The following AP4S1 variants were observed in gnomAD, a reference collection of about 807,000 sequenced individuals.
AP4S1 encodes the protein adaptor related protein complex 4 subunit sigma 1, also known as AP-4 complex subunit sigma-1.
A neutral mutation model predicts 19.8 loss-of-function variants in AP4S1; 23 were observed. The ratio of observed to expected loss-of-function variants is 1.16; its 90% CI spans 0.84 to 1.65. AP4S1 has a LOEUF of 1.65. AP4S1 is among the 40% of genes most tolerant of loss of function. The pLI is 0.00. For missense variants in AP4S1, 166 were observed against 172.8 expected (o/e 0.96, Z 0.22); for synonymous variants, 46 against 54.1 (o/e 0.85, Z 0.66).
intron 1 of AP4S1, among the ~76,000 whole-genome samples, chr14:31,048,304 G>C (rs974071204): frequency 1.3e-5 from 2 of 151,762 alleles, no homozygotes; most frequent in African/African-American, 4.8e-5. Flanking sequence ...GTCCCACCCT[G>C]TTGGCCAGGC....
At chr14:31,049,428 A>AAAATATATATATATATAT (rs1384450221) in intron 1 of AP4S1, among the ~76,000 whole-genome samples, 1 of 57,766 alleles carries the variant, frequency 1.7e-5, no homozygotes, top group African/African-American at 7.9e-5. Flanking sequence ...AAAAAAAAAA[A>AAAATATATATATATATAT]ATATATATAT....
rs1401445337 is a variant in AP4S1, at chr14:31,071,609, C to G, written c.226-1296C>G. On this transcript the variant is annotated intron_variant, in intron 3 of 5. Transcript: ENST00000542754. ...CTAATTTTTGTATTCTTAGTAGAGACAGGGTTTCACCTTTTGGCCAGGATG... is the reference window on the plus strand; with the variant it reads ...CTAATTTTTGTATTCTTAGTAGAGAGAGGGTTTCACCTTTTGGCCAGGATG... 2.6e-5 allele frequency among the ~76,000 whole-genome samples: 4 copies of G among 152,184 alleles called. No homozygotes were observed. In the East Asian group the frequency reaches 7.8e-4, roughly 29 times the overall value.
At chr14:31,039,795 T>C (rs1304024519) in intron 1 of AP4S1, among the ~76,000 whole-genome samples, 1 of 151,400 alleles carries the variant, frequency 6.6e-6, no homozygotes, top group Non-Finnish European at 1.5e-5. Context: ...TTCACCGTGT[T>C]AGCCAGGATG....
intron 4 of AP4S1, chr14:31,073,330 A>T: frequency 4.8e-6 from 1 of 206,636 alleles, no homozygotes; most frequent in Non-Finnish European, 9.9e-6. Context: ...CTCTACTAAA[A>T]ATACAAAAAA....
chr14:31,088,466 C>T (rs1225722859), intron 5 of AP4S1, among the ~76,000 whole-genome samples: 1 of 152,072 alleles, frequency 6.6e-6, no homozygotes, highest in African/African-American at 2.4e-5. Flanking sequence ...AGCTGGGTAT[C>T]CTGTTGTTCT....
intron 1 of AP4S1, among the ~76,000 whole-genome samples, chr14:31,027,759 C>T (rs1594615033): frequency 6.6e-6 from 1 of 152,036 alleles, no homozygotes; most frequent in Non-Finnish European, 1.5e-5. Flanking sequence ...TGCTTAGTTT[C>T]CTAGAAAATA....
intron 4 of AP4S1, among the ~76,000 whole-genome samples, chr14:31,073,507 T>C (rs1237995433): frequency 1.3e-5 from 2 of 150,642 alleles, no homozygotes; most frequent in Non-Finnish European, 3.0e-5. Context: ...AAAAAAACCC[T>C]CTTATTTGTT....
intron 1 of AP4S1, 179 bp downstream of exon 1, chr14:31,025,966 G>A: frequency 6.3e-7 from 1 of 1,586,944 alleles, no homozygotes; most frequent in East Asian, 2.3e-5. Flanking sequence ...GCCCACTCGT[G>A]CTGGATGTAG....
chr14:31,070,027 G>T lies in AP4S1; in HGVS notation c.225+98G>T, dbSNP rs927013223. On this transcript the variant is annotated intron_variant, in intron 3 of 5. Transcript: ENST00000542754. Reference sequence around the variant, plus strand: ...CTTGATTTTTTTTAGACAGAATTTTGCCCTGTCACCAGTCTGGAGTGCCGT... The same window carrying T: ...CTTGATTTTTTTTAGACAGAATTTTTCCCTGTCACCAGTCTGGAGTGCCGT... The T allele has an allele frequency of 4.7e-6, 5 of 1,062,804 alleles. No individual in the cohort carries two copies. The Admixed American group carries it at 5.1e-5, about 11-fold the overall frequency. The allele number at this position is 1,062,804 out of a possible 1,614,324, so 65.8% of individuals were successfully genotyped here. A position where few individuals can be genotyped will look rare whatever the true frequency, so the allele number is the denominator to read the frequency against.
At chr14:31,061,135 C>T (rs1027744120) in intron 1 of AP4S1, among the ~76,000 whole-genome samples, 6 of 152,148 alleles carry the variant, frequency 3.9e-5, no homozygotes, top group Non-Finnish European at 7.3e-5. Context: ...CTTGCCTCAG[C>T]CTCCCAAAGT....
intron 4 of AP4S1, among the ~76,000 whole-genome samples, chr14:31,076,659 C>T (rs1338907372): frequency 6.6e-6 from 1 of 152,148 alleles, no homozygotes; most frequent in African/African-American, 2.4e-5. Context: ...CTGTTCTTTT[C>T]CCCCAATGAA....
intron 4 of AP4S1, among the ~76,000 whole-genome samples, chr14:31,076,054 T>A (rs1887343466): frequency 6.6e-6 from 1 of 152,222 alleles, no homozygotes; most frequent in Non-Finnish European, 1.5e-5. Flanking sequence ...CAAATTTTTT[T>A]ATCCATTCAT....
chr14:31,049,459 A>ATATATATATATATATG (rs1487074529), intron 1 of AP4S1, among the ~76,000 whole-genome samples: 3 of 74,424 alleles, frequency 4.0e-5, no homozygotes, highest in African/African-American at 1.7e-4. Flanking sequence ...ATATATATAT[A>ATATATATATATATATG]TATGTATATA....
intron 1 of AP4S1, among the ~76,000 whole-genome samples, chr14:31,029,306 A>G (rs1884243652): frequency 6.6e-6 from 1 of 152,192 alleles, no homozygotes; most frequent in African/African-American, 2.4e-5. Flanking sequence ...TCTGTTTAAC[A>G]TAGTTTAGTG....
chr14:31,085,219 C>A (rs978407514), intron 5 of AP4S1: 3 of 1,072,144 alleles, frequency 2.8e-6, no homozygotes, highest in Non-Finnish European at 2.3e-6. Context: ...ACTTCCTGGG[C>A]CCCTAGAATT....
At position 31,084,774 on chromosome 14, in the gene AP4S1, A is replaced by G. The variant is rs374600997; in HGVS notation, c.306+4190A>G. 3.7e-6 allele frequency: 6 copies of G among 1,614,054 alleles called. No individual in the cohort carries two copies. The African/African-American group carries it at 8.0e-5, about 22-fold the overall frequency. On this transcript the variant is annotated intron_variant, in intron 5 of 5. Transcript: ENST00000542754. ...AATTAAGGTGTTTTTTTTAGGAACCAATTGATGAACTTCCCAAAATATGCT... is the reference window on the plus strand; with the variant it reads ...AATTAAGGTGTTTTTTTTAGGAACCGATTGATGAACTTCCCAAAATATGCT...
intron 5 of AP4S1, among the ~76,000 whole-genome samples, chr14:31,082,270 A>C (rs927294719): frequency 2.6e-5 from 4 of 152,184 alleles, no homozygotes; most frequent in Non-Finnish European, 5.9e-5. Context: ...TGCTGAATAA[A>C]AATATACCGT....
chr14:31,062,980 A>T (rs1886522292), intron 1 of AP4S1, among the ~76,000 whole-genome samples: 1 of 151,660 alleles, frequency 6.6e-6, no homozygotes, highest in African/African-American at 2.4e-5. Context: ...AAAAAAAAAA[A>T]AAATCACTAG....
chr14:31,053,701 C>T (rs2139510588), intron 1 of AP4S1, among the ~76,000 whole-genome samples: 1 of 129,276 alleles, frequency 7.7e-6, no homozygotes, highest in East Asian at 2.5e-4. Context: ...CTCTCAAGTG[C>T]TGGGATTGAA....
Sources: allele counts gnomAD v4.1 joint callset (sites outside exome capture counted in the v4.1 genomes callset), GRCh38; gene constraint gnomAD v4.1.1; transcripts MANE v1.5; gene names NCBI Gene and HGNC (gene_info 2026-07-23, HGNC 2026-07-21).